The following NELFA variants were observed in gnomAD, a reference collection of about 807,000 sequenced individuals.
NELFA encodes negative elongation factor A.
NELFA carries 35 observed loss-of-function variants against 51.8 expected under a neutral mutation model. That is an observed-to-expected ratio of 0.68 (90% CI 0.52 to 0.90). The LOEUF (loss-of-function observed/expected upper bound fraction) is 0.90. Ranked by LOEUF, NELFA falls within the 40% of genes least tolerant of loss-of-function variation. The pLI is 0.00. For missense variants in NELFA, 658 were observed against 746.4 expected (o/e 0.88, Z 1.38); for synonymous variants, 417 against 338.4 (o/e 1.23, Z -2.55).
chr4:2,006,586 C>G (rs755471026), intron 1 of NELFA, among the ~76,000 whole-genome samples: 12 of 151,294 alleles, frequency 7.9e-5, no homozygotes, highest in Middle Eastern at 3.5e-3. Flanking sequence ...CTGGGCAATA[C>G]AGTAAGACCC....
chr4:1,994,558 C>G (rs868162218), intron 1 of NELFA, among the ~76,000 whole-genome samples: 1 of 148,320 alleles, frequency 6.7e-6, no homozygotes, highest in African/African-American at 2.5e-5. Context: ...GAGCAAGAGT[C>G]TGTCAAAAAA....
chr4:1,997,556 T>G (rs1411051375), intron 1 of NELFA, among the ~76,000 whole-genome samples: 2 of 152,270 alleles, frequency 1.3e-5, no homozygotes, highest in Non-Finnish European at 2.9e-5. Context: ...AAATTTAAAG[T>G]TCCTTTGTGC....
intron 1 of NELFA, chr4:2,008,083 A>G (rs778210541): frequency 4.4e-6 from 2 of 455,620 alleles, no homozygotes; most frequent in Non-Finnish European, 8.8e-6. Flanking sequence ...CAGTCAGCGG[A>G]CACTGGAGCT....
chr4:1,990,522 C>T (rs1380537910), intron 2 of NELFA: 3 of 456,642 alleles, frequency 6.6e-6, no homozygotes, highest in Admixed American at 4.7e-5. Flanking sequence ...TGGACCTGTC[C>T]AGACCACTGC....
chr4:1,986,706 T>G, intron 4 of NELFA: 1 of 366,160 alleles, frequency 2.7e-6, no homozygotes, highest in Non-Finnish European at 5.1e-6. Context: ...CTCCTTCCTG[T>G]GCCTCCACCG....
chr4:2,001,763 C>T (rs1462986796), intron 1 of NELFA, among the ~76,000 whole-genome samples: 3 of 151,878 alleles, frequency 2.0e-5, no homozygotes, highest in African/African-American at 7.2e-5. Context: ...ATTAGCCGGG[C>T]GTGGTGGCAC....
intron 1 of NELFA, among the ~76,000 whole-genome samples, chr4:2,001,087 T>G (rs1164075384): frequency 6.6e-6 from 1 of 152,182 alleles, no homozygotes; most frequent in Non-Finnish European, 1.5e-5. Context: ...TTGATAAAAT[T>G]CAACATCCCT....
intron 9 of NELFA, 36 bp from the exon 10 acceptor site, chr4:1,983,731 C>A (rs371629542): frequency 6.2e-7 from 1 of 1,610,326 alleles, no homozygotes; most frequent in Non-Finnish European, 8.5e-7. Context: ...GCCAGGGCCC[C>A]GCCAGGACCA....
chr4:1,992,436 C>A, intron 1 of NELFA: 1 of 424,832 alleles, frequency 2.4e-6, no homozygotes, highest in South Asian at 1.7e-5. Context: ...CCAGGGCCTG[C>A]TTCGGCCACA....
Position 1,984,767 on chromosome 4 carries a change from A to G in NELFA, c.1036+41T>C, listed in dbSNP as rs527992923. 5.5e-6 allele frequency: 8 copies of G among 1,453,190 alleles called. No individual in the cohort carries two copies. The East Asian group carries it at 2.0e-4, about 36-fold the overall frequency. 90.0% of individuals were successfully genotyped at this position (1,453,190 alleles called of 1,614,324 possible). On this transcript the variant is annotated intron_variant, in intron 8 of 10. Transcript: ENST00000382882. ...CCCGTGGGCAAGGTCATGTCCTGGC[A>G]GGCAGCTTGGCTGGTTCCAGGCTGG...
intron 4 of NELFA, among the ~76,000 whole-genome samples, chr4:1,987,163 G>A (rs2109056389): frequency 6.6e-6 from 1 of 152,282 alleles, no homozygotes; most frequent in South Asian, 2.1e-4. Flanking sequence ...GGGATTATGG[G>A]AGCCCAAATA....
intron 1 of NELFA, among the ~76,000 whole-genome samples, chr4:1,995,477 T>G (rs1385930338): frequency 6.6e-6 from 1 of 152,232 alleles, no homozygotes; most frequent in Non-Finnish European, 1.5e-5. Context: ...TAAATTAGAA[T>G]GTCTTATAAA....
intron 1 of NELFA, among the ~76,000 whole-genome samples, chr4:1,995,188 T>G (rs1728389945): frequency 6.6e-6 from 1 of 152,226 alleles, no homozygotes. Flanking sequence ...GGAAGATTGG[T>G]CTTTTCCAGC....
intron 1 of NELFA, among the ~76,000 whole-genome samples, chr4:2,001,301 A>G (rs946104432): frequency 2.0e-5 from 3 of 152,212 alleles, no homozygotes; most frequent in African/African-American, 7.2e-5. Flanking sequence ...GGCCAGGGCA[A>G]TTAGGCAAGA....
chr4:1,983,830 C>T lies in NELFA; in HGVS notation c.1302+18G>A, dbSNP rs922936957. ...CCACCTACCTGGTGGCCTGTGGGCC[C>T]TACCAGTGTACACCTACCGTGAGGG... On this transcript the variant is annotated intron_variant, in intron 9 of 10. Transcript: ENST00000382882. 1 of 1,570,574 alleles carries T rather than the reference C, an allele frequency of 6.4e-7. No homozygotes were observed. Among genetic ancestry groups the T allele is most frequent in the Non-Finnish European group, 8.6e-7 (1 of 1,157,066 alleles).
In NELFA at chr4:2,008,769, G is replaced by C; in HGVS notation, c.191C>G (p.Pro64Arg). Residue 64 changes from proline to arginine, a missense_variant, in exon 1 of 11, where the codon CCG becomes CGG. By Grantham distance (103) the Pro-to-Arg change is moderately radical. Coordinates refer to ENST00000382882, the MANE Select transcript of NELFA (RefSeq NM_005663.5). ...CCTTACCTCGTCCACCGTGCGGCGC[G>C]GGAGGTGCAGCGTCCCGAGTAGCAA... The part of the protein sequence containing the change: ...LKLLLGTLHL[P>R]RRTVDEMKGA... 1.2e-6 allele frequency: 2 copies of C among 1,610,800 alleles called. No homozygotes were observed. The highest frequency in any genetic ancestry group is 1.7e-6 in the Non-Finnish European group (2 of 1,178,734).
intron 1 of NELFA, among the ~76,000 whole-genome samples, chr4:2,008,518 A>AG (rs1728773666): frequency 1.0e-5 from 1 of 99,304 alleles, no homozygotes; most frequent in South Asian, 3.8e-4. Flanking sequence ...ATGAGAACCG[A>AG]GGTGGGAGAT....
chr4:1,988,078 T>C lies in NELFA; in HGVS notation c.545-71A>G, dbSNP rs184151727. On this transcript the variant is annotated intron_variant, in intron 3 of 10. Coordinates refer to ENST00000382882, the MANE Select transcript of NELFA (RefSeq NM_005663.5). ...CCCTTGGCCCTTGTAAAAACATCTC[T>C]GTCAAGTGGATTCATCCGACGGCCT... 50 of 1,305,132 alleles carry C rather than the reference T, an allele frequency of 3.8e-5. No individual in the cohort carries two copies. The East Asian group carries it at 1.1e-3, about 29-fold the overall frequency. 80.8% of individuals were successfully genotyped at this position (1,305,132 alleles called of 1,614,324 possible). A position where few individuals can be genotyped will look rare whatever the true frequency, so the allele number is the denominator to read the frequency against.
In NELFA at chr4:1,983,295, C is replaced by T. The variant is rs138343780; in HGVS notation, c.*24G>A. The T allele has an allele frequency of 9.4e-6, 15 of 1,597,388 alleles. No homozygotes were observed. The highest frequency in any genetic ancestry group is 6.7e-5 in the Admixed American group (4 of 59,364). On this transcript the variant is annotated 3_prime_UTR_variant, in exon 11 of 11. Coordinates refer to ENST00000382882, the MANE Select transcript of NELFA (RefSeq NM_005663.5). ...TCGTCCCGTGGACCCCCACAAGTGA[C>T]GGCCAGCTGTGAGGCAGGTGGTTCT...
Sources: allele counts gnomAD v4.1 joint callset (sites outside exome capture counted in the v4.1 genomes callset), GRCh38; gene constraint gnomAD v4.1.1; transcripts MANE v1.5; gene names NCBI Gene and HGNC (gene_info 2026-07-23, HGNC 2026-07-21).